Variants in LIFR observed in about 807,000 individuals in gnomAD.
The protein encoded by LIFR is leukemia inhibitory factor receptor.
A neutral mutation model predicts 122.2 loss-of-function variants in LIFR; 84 were observed. The ratio of observed to expected loss-of-function variants is 0.69; its 90% CI spans 0.58 to 0.82. The LOEUF (loss-of-function observed/expected upper bound fraction) is 0.82. Among genes scored for constraint, LIFR ranks in the 40% least tolerant of loss-of-function variants. LIFR has a pLI of 0.00. For missense variants in LIFR, 1,294 were observed against 1,311.6 expected (o/e 0.99, Z 0.21); for synonymous variants, 422 against 434.7 (o/e 0.97, Z 0.36).
intron 12 of LIFR, among the ~76,000 whole-genome samples, chr5:38,498,271 T>C (rs1290523582): frequency 6.6e-6 from 1 of 152,140 alleles, no homozygotes; most frequent in Admixed American, 6.5e-5. Flanking sequence ...TCTAATTCTA[T>C]TTTCTTCGTT....
intron 14 of LIFR, 122 bp downstream of exon 14, chr5:38,493,483 GA>G: frequency 1.1e-6 from 1 of 896,970 alleles, no homozygotes; most frequent in Non-Finnish European, 1.8e-6. Flanking sequence ...ACCCTCCCAG[GA>G]AAGTCAAACC....
Position 38,481,462 on chromosome 5 carries a change from A to G in LIFR, c.*133T>C. 1 of 992,118 alleles carries G rather than the reference A, an allele frequency of 1.0e-6. No homozygotes were observed. The highest frequency in any genetic ancestry group is 1.3e-5 in the South Asian group (1 of 75,172). 61.5% of individuals were successfully genotyped at this position (992,118 alleles called of 1,614,324 possible). The stretch of plus-strand genomic sequence containing the variant: ...AAAAGCACATGAACACTTTCAGTGT[A>G]ACTTAACATGTAGTGAAGTTCACCT... On this transcript the variant is annotated 3_prime_UTR_variant, in exon 20 of 20. Transcript: ENST00000453190.
intron 3 of LIFR, among the ~76,000 whole-genome samples, chr5:38,528,316 C>A (rs1561179221): frequency 6.6e-6 from 1 of 152,158 alleles, no homozygotes; most frequent in Non-Finnish European, 1.5e-5. Context: ...AGCAGGGGGC[C>A]AGAACTAACT....
At chr5:38,540,347 C>T (rs1441982850) in intron 1 of LIFR, among the ~76,000 whole-genome samples, 1 of 152,124 alleles carries the variant, frequency 6.6e-6, no homozygotes, top group East Asian at 1.9e-4. Flanking sequence ...CCGACCTGTC[C>T]GGTGAATACT....
Position 38,493,754 on chromosome 5 carries a change from C to T in LIFR, c.1917G>A (p.Met639Ile), listed in dbSNP as rs376376547. ...DDLKIEQVVG[M>I]GKGILLTWHY... ...GCCAGGTGAGGAGAATCCCCTTTCC[C>T]ATCCCAACAACTTGTTCTATTTTGA... Residue 639 changes from methionine to isoleucine, a missense_variant, in exon 14 of 20, where the codon ATG (methionine) becomes ATA (isoleucine). Met to Ile is a conservative substitution (Grantham distance 10). Transcript: ENST00000453190. 37 of 1,613,968 alleles carry T rather than the reference C, an allele frequency of 2.3e-5. No individual in the cohort carries two copies. Among genetic ancestry groups the T allele is most frequent in the Non-Finnish European group, 3.1e-5 (36 of 1,179,998 alleles).
chr5:38,485,662 T>C (rs1422118080), intron 17 of LIFR, 157 bp downstream of exon 17: 2 of 709,218 alleles, frequency 2.8e-6, no homozygotes, highest in Non-Finnish European at 4.9e-6. Flanking sequence ...TGAAGTAATC[T>C]TACAGCTTTT....
intron 19 of LIFR, among the ~76,000 whole-genome samples, 156 bp from the exon 20 acceptor site, chr5:38,482,374 C>T (rs1181442475): frequency 1.4e-5 from 2 of 142,532 alleles, no homozygotes; most frequent in African/African-American, 6.1e-5. Context: ...TTTTTTCTTC[C>T]GTATCAGTAT....
At chr5:38,555,845 TC>T (rs778850420) in intron 1 of LIFR, among the ~76,000 whole-genome samples, 97 of 152,296 alleles carry the variant, frequency 6.4e-4, no homozygotes, top group Non-Finnish European at 1.2e-3. Flanking sequence ...AGAAATGGCA[TC>T]TTTCACAAAG....
In LIFR at chr5:38,490,234, C is replaced by T; in HGVS notation, c.2123G>A (p.Gly708Glu). Residue 708 changes from glycine (G) to glutamate (E), a missense_variant, in exon 15 of 20, where the codon GGA (glycine) becomes GAA (glutamate). Physicochemically the swap from Gly to Glu is moderately conservative, Grantham distance 98. Coordinates refer to ENST00000453190, the MANE Select transcript of LIFR (RefSeq NM_001127671.2). ...NFFLYGCRNQ[G>E]YQLLRSMIGY... is the part of the protein sequence containing the mutation. The stretch of plus-strand genomic sequence containing the variant: ...AATCATGGAGCGTAATAATTGATAT[C>T]CTTGATTTCTGCATCCATACAGGAA... 6.3e-7 allele frequency: 1 copy of T among 1,585,960 alleles called. No individual in the cohort carries two copies. The highest frequency in any genetic ancestry group is 1.7e-5 in the Admixed American group (1 of 59,520).
chr5:38,598,375 T>C (rs1053819576), upstream of LIFR, among the ~76,000 whole-genome samples: 1 of 151,088 alleles, frequency 6.6e-6, no homozygotes, highest in African/African-American at 2.4e-5. Context: ...GCCTCCAAAG[T>C]AGCTGGAATT....
Position 38,478,308 on chromosome 5 carries a change from C to A in LIFR, c.*3287G>T. 1 of 204,788 alleles carries A rather than the reference C, an allele frequency of 4.9e-6. No homozygotes were observed. Among genetic ancestry groups the A allele is most frequent in the East Asian group, 7.4e-5 (1 of 13,430 alleles). 12.7% of individuals were successfully genotyped at this position (204,788 alleles called of 1,614,324 possible). A position where few individuals can be genotyped will look rare whatever the true frequency, so the allele number is the denominator to read the frequency against. ...TTCTAAATGTAATCTTTCAGATCCACGAGCGGTGAAAGTAATGCTGGTTTG... is the reference window on the plus strand; with the variant it reads ...TTCTAAATGTAATCTTTCAGATCCAAGAGCGGTGAAAGTAATGCTGGTTTG... On this transcript the variant is annotated 3_prime_UTR_variant, in exon 20 of 20. Transcript: ENST00000453190.
chr5:38,538,579 G>A (rs1198092290), intron 1 of LIFR, among the ~76,000 whole-genome samples: 1 of 152,066 alleles, frequency 6.6e-6, no homozygotes, highest in Non-Finnish European at 1.5e-5. Context: ...AGTGTCTTCT[G>A]AGTAACCCTG....
At chr5:38,510,765 T>C (rs752912798) in intron 6 of LIFR, 47 bp from the exon 7 acceptor site, 2 of 1,510,692 alleles carry the variant, frequency 1.3e-6, no homozygotes, top group South Asian at 1.2e-5. Context: ...AGAAGTATTT[T>C]ACATAAACTT....
intron 1 of LIFR, among the ~76,000 whole-genome samples, chr5:38,551,958 T>C (rs1748227516): frequency 6.6e-6 from 1 of 152,232 alleles, no homozygotes; most frequent in Non-Finnish European, 1.5e-5. Flanking sequence ...TTGGTAAAAG[T>C]ACTTTAACTC....
chr5:38,575,152 A>C (rs1749341840), intron 1 of LIFR, among the ~76,000 whole-genome samples: 1 of 152,232 alleles, frequency 6.6e-6, no homozygotes, highest in Non-Finnish European at 1.5e-5. Flanking sequence ...TGAATCTCAC[A>C]AATGTGATGT....
At chr5:38,533,461 C>CTTT (rs2112581500) in intron 1 of LIFR, among the ~76,000 whole-genome samples, 1 of 152,278 alleles carries the variant, frequency 6.6e-6, no homozygotes, top group Admixed American at 6.5e-5. Flanking sequence ...GGCCCCTGAG[C>CTTT]TTTTAAAGGC....
intron 9 of LIFR, among the ~76,000 whole-genome samples, chr5:38,505,444 A>G: frequency 6.7e-6 from 1 of 149,422 alleles, no homozygotes. Flanking sequence ...ACACACACAC[A>G]CGAGTACAAA....
At chr5:38,571,760 TAAAC>T (rs1749220982) in intron 1 of LIFR, among the ~76,000 whole-genome samples, 1 of 152,220 alleles carries the variant, frequency 6.6e-6, no homozygotes, top group South Asian at 2.1e-4. Context: ...AACTTCTGGT[TAAAC>T]AACCTTAAAA....
In LIFR at chr5:38,481,506, G is replaced by A. The variant is rs1743980493; in HGVS notation, c.*89C>T. On this transcript the variant is annotated 3_prime_UTR_variant, in exon 20 of 20. Coordinates refer to ENST00000453190, the MANE Select transcript of LIFR (RefSeq NM_001127671.2). Reference sequence around the variant, plus strand: ...TTCACCTCCTAACAATACTTCACAGGATCCCTCCAAGAATGCCCAGTGCTG... The same window carrying A: ...TTCACCTCCTAACAATACTTCACAGAATCCCTCCAAGAATGCCCAGTGCTG... 5 of 1,327,420 alleles carry A rather than the reference G, an allele frequency of 3.8e-6. No individual in the cohort carries two copies. The South Asian group carries it at 4.7e-5, about 13-fold the overall frequency. The allele number at this position is 1,327,420 out of a possible 1,614,324, so 82.2% of individuals were successfully genotyped here. A position where few individuals can be genotyped will look rare whatever the true frequency, so the allele number is the denominator to read the frequency against.
Sources: gnomAD v4.1 joint callset for allele counts (sites outside exome capture counted in the v4.1 genomes callset) on GRCh38, gnomAD v4.1.1 for gene constraint, MANE v1.5 for transcripts, NCBI Gene and HGNC (gene_info 2026-07-23, HGNC 2026-07-21) for gene names.